Variants in GABRB3 observed in about 807,000 individuals in gnomAD.
GABRB3 encodes gamma-aminobutyric acid receptor subunit beta-3.
GABRB3 carries 14 observed loss-of-function variants against 52.1 expected under a neutral mutation model. That is an observed-to-expected ratio of 0.27 (90% CI 0.18 to 0.42). The LOEUF is 0.42. Among genes scored for constraint, GABRB3 ranks in the 10% least tolerant of loss-of-function variants. The pLI, the probability that GABRB3 is intolerant of heterozygous loss-of-function variation, is 1.00. For synonymous variants in GABRB3, 260 were observed against 232.3 expected, an observed-to-expected ratio of 1.12 and a Z score of -1.08; for missense variants, 307 against 609.1, an observed-to-expected ratio of 0.50 and a Z score of 5.22.
chr15:26,600,086 G>A (rs1215473849), intron 4 of GABRB3, among the ~76,000 whole-genome samples: 1 of 151,882 alleles, frequency 6.6e-6, no homozygotes, highest in African/African-American at 2.4e-5. Flanking sequence ...AGACTACAAT[G>A]ATTGAACTAA....
In GABRB3 at chr15:26,546,120, A is replaced by G. The variant is rs1259117172; in HGVS notation, c.*1673T>C. On this transcript the variant is annotated 3_prime_UTR_variant, in exon 9 of 9. Transcript: ENST00000311550. The stretch of plus-strand genomic sequence containing the variant: ...TGGTCCTTGGTTTTGGATAGAACAG[A>G]GAGGGTGAGGCATACGTGGCATTTT... The G allele has an allele frequency of 2.0e-5, 3 of 152,522 alleles. No individual in the cohort carries two copies. Among genetic ancestry groups the G allele is most frequent in the Non-Finnish European group, 4.4e-5 (3 of 68,024 alleles). 9.4% of individuals were successfully genotyped at this position (152,522 alleles called of 1,614,324 possible).
chr15:26,765,260 C>T (rs148601257), intron 3 of GABRB3, among the ~76,000 whole-genome samples: 18 of 152,148 alleles, frequency 1.2e-4, no homozygotes, highest in African/African-American at 3.4e-4. Context: ...TCCTCACCAG[C>T]GCTTACATAT....
intron 3 of GABRB3, among the ~76,000 whole-genome samples, chr15:26,719,725 G>A (rs1028850768): frequency 2.6e-5 from 4 of 152,124 alleles, no homozygotes; most frequent in Non-Finnish European, 4.4e-5. Flanking sequence ...TGCTAAGAAT[G>A]GTCAGCTCTG....
chr15:26,772,576 C>G (rs2140199330), intron 2 of GABRB3, 105 bp downstream of exon 2: 1 of 1,440,960 alleles, frequency 6.9e-7, no homozygotes, highest in East Asian at 2.7e-5. Flanking sequence ...AGGGCCCCCA[C>G]TCCCACCCGC....
chr15:26,582,230 C>T (rs1391606830), intron 5 of GABRB3, among the ~76,000 whole-genome samples: 1 of 152,188 alleles, frequency 6.6e-6, no homozygotes, highest in Non-Finnish European at 1.5e-5. Flanking sequence ...TCCTCTCTCT[C>T]AGGAGTCATG....
intron 3 of GABRB3, among the ~76,000 whole-genome samples, chr15:26,717,809 G>A (rs968767289): frequency 1.3e-5 from 2 of 152,156 alleles, no homozygotes; most frequent in African/African-American, 2.4e-5. Context: ...GGTATTTGGC[G>A]TTAACCAAGA....
chr15:26,744,373 A>C (rs899957280), intron 3 of GABRB3, among the ~76,000 whole-genome samples: 3 of 152,230 alleles, frequency 2.0e-5, no homozygotes, highest in African/African-American at 7.2e-5. Context: ...ATTGAAATAA[A>C]GAGTTAATAA....
Position 26,688,264 on chromosome 15 carries a change from A to G in GABRB3, c.241-66730T>C, listed in dbSNP as rs567863924. 5.9e-5 allele frequency among the ~76,000 whole-genome samples: 9 copies of G among 152,308 alleles called. No homozygotes were observed. In the East Asian group the frequency reaches 1.7e-3, roughly 29 times the overall value. On this transcript the variant is annotated intron_variant, in intron 3 of 8. Coordinates refer to ENST00000311550, the MANE Select transcript of GABRB3 (RefSeq NM_000814.6). ...AAACGGGAACATCAGCCCCGTGATCAATGGGACAGGATGAGCAAATGCCAG... is the reference window on the plus strand; with the variant it reads ...AAACGGGAACATCAGCCCCGTGATCGATGGGACAGGATGAGCAAATGCCAG...
Position 26,745,472 on chromosome 15 carries a change from T to C in GABRB3, c.240+26930A>G, listed in dbSNP as rs138760521. Among the ~76,000 whole-genome samples, 549 of 152,316 alleles carry C rather than the reference T, an allele frequency of 3.6e-3. 2 individuals are homozygous for C. The highest frequency in any genetic ancestry group is 0.013 in the African/African-American group (521 of 41,574). ...TCATTCAGATTTCACCAGGATTTCA[T>C]GCACTCGTGGGTGTGTATTCATATG... On this transcript the variant is annotated intron_variant, in intron 3 of 8. Transcript: ENST00000311550.
chr15:26,659,748 C>A (rs1887480929), intron 3 of GABRB3, among the ~76,000 whole-genome samples: 1 of 152,134 alleles, frequency 6.6e-6, no homozygotes, highest in African/African-American at 2.4e-5. Flanking sequence ...TTAGCATAAT[C>A]CAGCATGTTC....
intron 3 of GABRB3, among the ~76,000 whole-genome samples, chr15:26,728,301 T>TC (rs1889823946): frequency 6.6e-6 from 1 of 152,130 alleles, no homozygotes; most frequent in Non-Finnish European, 1.5e-5. Context: ...GAGCAAAGTG[T>TC]CCCCTCCATG....
At chr15:26,739,548 T>C (rs765562700) in intron 3 of GABRB3, among the ~76,000 whole-genome samples, 2 of 152,126 alleles carry the variant, frequency 1.3e-5, no homozygotes, top group African/African-American at 2.4e-5. Flanking sequence ...ATATTCACAA[T>C]GCAAGGAGGG....
chr15:26,690,175 C>T (rs1285908765), intron 3 of GABRB3, among the ~76,000 whole-genome samples: 1 of 145,462 alleles, frequency 6.9e-6, no homozygotes. Context: ...GCAATCATAG[C>T]TCAGTGATCC....
At chr15:26,600,499 G>A (rs570961913) in intron 4 of GABRB3, among the ~76,000 whole-genome samples, 3 of 152,092 alleles carry the variant, frequency 2.0e-5, no homozygotes, top group African/African-American at 4.8e-5. Context: ...GAAACATATC[G>A]CATATAAGAG....
chr15:26,552,820 G>A lies in GABRB3; in HGVS notation c.1081-4686C>T, dbSNP rs986572676. On this transcript the variant is annotated intron_variant, in intron 8 of 8. Transcript: ENST00000311550. Reference sequence around the variant, plus strand: ...GAATGAGCTGCCTGGCTCACACTGGGAATGTTGTTGTGGAGAGGGCCTGGG... The same window carrying A: ...GAATGAGCTGCCTGGCTCACACTGGAAATGTTGTTGTGGAGAGGGCCTGGG... 2.0e-5 allele frequency among the ~76,000 whole-genome samples: 3 copies of A among 152,160 alleles called. No individual in the cohort carries two copies. In the East Asian group the frequency reaches 5.8e-4, roughly 29 times the overall value.
At chr15:26,772,601 T>C in intron 2 of GABRB3, 80 bp downstream of exon 2, 2 of 1,430,084 alleles carry the variant, frequency 1.4e-6, no homozygotes, top group African/African-American at 1.5e-5. Context: ...GCTCCGCGGA[T>C]GCGGCCCCCG....
intron 3 of GABRB3, among the ~76,000 whole-genome samples, chr15:26,702,883 G>A (rs1888980744): frequency 6.6e-6 from 1 of 152,196 alleles, no homozygotes; most frequent in Non-Finnish European, 1.5e-5. Flanking sequence ...AAATAGATGT[G>A]AGGAATACAT....
chr15:26,656,265 C>A (rs1331043660), intron 3 of GABRB3, among the ~76,000 whole-genome samples: 3 of 152,146 alleles, frequency 2.0e-5, no homozygotes, highest in Non-Finnish European at 4.4e-5. Flanking sequence ...CCTCCAGCTC[C>A]GGAAAGATAA....
chr15:26,680,450 C>T (rs1293103639), intron 3 of GABRB3, among the ~76,000 whole-genome samples: 1 of 144,428 alleles, frequency 6.9e-6, no homozygotes, highest in Non-Finnish European at 1.5e-5. Flanking sequence ...TATATCCTAC[C>T]CTATGGGCAC....
Sources: gnomAD v4.1 joint callset for allele counts (sites outside exome capture counted in the v4.1 genomes callset) on GRCh38, gnomAD v4.1.1 for gene constraint, MANE v1.5 for transcripts, NCBI Gene and HGNC (gene_info 2026-07-23, HGNC 2026-07-21) for gene names.